Variants in SAP130 observed in about 807,000 individuals in gnomAD.
SAP130 encodes the protein Sin3A associated protein 130, also known as histone deacetylase complex subunit SAP130.
Under a neutral mutation model 103.2 loss-of-function variants are expected in SAP130, and 16 were observed. The ratio of observed to expected loss-of-function variants is 0.16; its 90% CI spans 0.10 to 0.24. The LOEUF (loss-of-function observed/expected upper bound fraction) is 0.24, where lower values mean the gene tolerates loss of function less well. SAP130 is among the 10% of genes least tolerant of loss of function. The probability of loss-of-function intolerance (pLI) is 1.00; values close to 1 mark genes in which losing one functional copy is unlikely to be tolerated. For missense variants in SAP130, 990 were observed against 1,359.7 expected, an observed-to-expected ratio of 0.73 and a Z score of 4.28; for synonymous variants, 477 against 497.0, an observed-to-expected ratio of 0.96 and a Z score of 0.53.
chr2:127,998,167 T>C (rs1683303391), intron 10 of SAP130, among the ~76,000 whole-genome samples: 1 of 151,830 alleles, frequency 6.6e-6, no homozygotes, highest in African/African-American at 2.4e-5. Context: ...ACCAAGGAAC[T>C]ATATAGCACA....
intron 15 of SAP130, among the ~76,000 whole-genome samples, chr2:127,971,648 T>G (rs1385844967): frequency 6.6e-6 from 1 of 152,222 alleles, no homozygotes. Context: ...TAATTTTGCC[T>G]TCCTTCTGTG....
intron 14 of SAP130, among the ~76,000 whole-genome samples, chr2:127,984,756 T>C (rs1465978858): frequency 6.6e-6 from 1 of 152,132 alleles, no homozygotes; most frequent in Admixed American, 6.6e-5. Context: ...TCTGGTAAAA[T>C]ACTCATGACC....
intron 2 of SAP130, among the ~76,000 whole-genome samples, chr2:128,024,736 C>T (rs1347176859): frequency 6.6e-6 from 1 of 150,958 alleles, no homozygotes; most frequent in Admixed American, 6.6e-5. Flanking sequence ...AAAAATTACC[C>T]AGGCATGGTA....
chr2:128,013,872 C>T (rs1374588650), intron 5 of SAP130, among the ~76,000 whole-genome samples: 1 of 152,174 alleles, frequency 6.6e-6, no homozygotes, highest in African/African-American at 2.4e-5. Flanking sequence ...CTGAAACCAG[C>T]CTGGGTAACC....
chr2:127,986,418 C>T lies in SAP130; in HGVS notation c.1958+367G>A, dbSNP rs190967322. ...GGAACTTTTCCCGTTTCAACAGCAA[C>T]GATTCATGCTGAATGAAGTTTATAG... On this transcript the variant is annotated intron_variant, in intron 14 of 20. Coordinates refer to ENST00000643581, the MANE Select transcript of SAP130 (RefSeq NM_001330301.2). The surrounding 1 kb of genome is among the most constrained non-coding windows in gnomAD (Gnocchi z 4.7). 4.1e-4 allele frequency among the ~76,000 whole-genome samples: 62 copies of T among 152,328 alleles called. No homozygotes were observed. Among genetic ancestry groups the T allele is most frequent in the Non-Finnish European group, 7.2e-4 (49 of 68,026 alleles).
In SAP130 at chr2:127,941,680, C is replaced by T; in HGVS notation, c.*326G>A. 3.2e-6 allele frequency: 1 copy of T among 312,100 alleles called. No individual in the cohort carries two copies. Among genetic ancestry groups the T allele is most frequent in the Non-Finnish European group, 5.9e-6 (1 of 170,512 alleles). The allele number at this position is 312,100 out of a possible 1,614,324, so 19.3% of individuals were successfully genotyped here. ...CCTGCAGGAATCCACTAGATAAATACAGTCTATAAACCGGAAGGCTGAAAA... is the reference window on the plus strand; with the variant it reads ...CCTGCAGGAATCCACTAGATAAATATAGTCTATAAACCGGAAGGCTGAAAA... On this transcript the variant is annotated 3_prime_UTR_variant, in exon 21 of 21. Coordinates refer to ENST00000643581, the MANE Select transcript of SAP130 (RefSeq NM_001330301.2).
intron 2 of SAP130, among the ~76,000 whole-genome samples, chr2:128,025,588 C>CTTA (rs1685447231): frequency 6.6e-6 from 1 of 152,166 alleles, no homozygotes; most frequent in Non-Finnish European, 1.5e-5. Flanking sequence ...TCATTATTCC[C>CTTA]TTAGCAATAC....
intron 15 of SAP130, among the ~76,000 whole-genome samples, chr2:127,970,071 T>C (rs1680960905): frequency 6.7e-6 from 1 of 149,450 alleles, no homozygotes; most frequent in Non-Finnish European, 1.5e-5. Flanking sequence ...CTACTAAAAA[T>C]ACAAAAATTA....
rs370038845 is a variant in SAP130, at chr2:128,021,316, G to A, written c.113-3401C>T. 7.3e-4 allele frequency among the ~76,000 whole-genome samples: 111 copies of A among 151,926 alleles called. 2 individuals carry two copies. In the South Asian group the frequency reaches 0.021, roughly 29 times the overall value. On this transcript the variant is annotated intron_variant, in intron 2 of 20. Transcript: ENST00000643581. Reference sequence around the variant, plus strand: ...ACAAAAATTAGCTGGGCATGGTGGCGGGCGCCTATAGTCCCAGCTACTTGG... The same window carrying A: ...ACAAAAATTAGCTGGGCATGGTGGCAGGCGCCTATAGTCCCAGCTACTTGG...
chr2:127,962,268 A>G (rs1680308903), intron 15 of SAP130, among the ~76,000 whole-genome samples: 1 of 152,200 alleles, frequency 6.6e-6, no homozygotes, highest in African/African-American at 2.4e-5. Flanking sequence ...CTTGATATAA[A>G]GCATCATTCC....
chr2:128,002,905 T>C (rs1184166481), intron 7 of SAP130, among the ~76,000 whole-genome samples: 3 of 152,160 alleles, frequency 2.0e-5, no homozygotes, highest in South Asian at 2.1e-4. Flanking sequence ...GGCAGGCAGA[T>C]TGCTTGAGTC....
At chr2:128,020,687 A>G (rs191774680) in intron 2 of SAP130, among the ~76,000 whole-genome samples, 29 of 152,304 alleles carry the variant, frequency 1.9e-4, no homozygotes, top group Admixed American at 1.8e-3. Context: ...TGGGTAGAGA[A>G]TACTGCATCA....
At position 127,955,194 on chromosome 2, in the gene SAP130, T is replaced by C. The variant is rs1679751877; in HGVS notation, c.2214A>G (p.Ala738=). The C allele has an allele frequency of 6.2e-7, 1 of 1,613,992 alleles. No homozygotes were observed. The highest frequency in any genetic ancestry group is 1.3e-5 in the African/African-American group (1 of 74,906). Residue 738 remains alanine, a synonymous_variant, in exon 16 of 21, where the codon GCA becomes GCG. Transcript: ENST00000643581. This position sits in a 1 kb window ranked among gnomAD's most constrained non-coding sequence, Gnocchi z 4.9. The part of the protein sequence containing the change: ...QPPPTIPTMI[A]AASPPSQPAV... Reference sequence around the variant, plus strand: ...CTGGTTGTGACGGGGGACTGGCTGCTGCAATCATAGTTGGAATGGTCGGTG... The same window carrying C: ...CTGGTTGTGACGGGGGACTGGCTGCCGCAATCATAGTTGGAATGGTCGGTG...
At chr2:127,966,805 T>G (rs60165721) in intron 15 of SAP130, among the ~76,000 whole-genome samples, 1 of 152,208 alleles carries the variant, frequency 6.6e-6, no homozygotes, top group Non-Finnish European at 1.5e-5. Context: ...ATAAATCTTT[T>G]GAAAAAATAT....
At chr2:127,972,294 G>A (rs769690276) in intron 15 of SAP130, among the ~76,000 whole-genome samples, 3 of 152,194 alleles carry the variant, frequency 2.0e-5, no homozygotes, top group Non-Finnish European at 4.4e-5. Flanking sequence ...AAGTCCATAT[G>A]AGACTTTGTT....
chr2:127,955,198 A>G lies in SAP130; in HGVS notation c.2210T>C (p.Ile737Thr). Residue 737 changes from isoleucine (I) to threonine (T), a missense_variant, in exon 16 of 21, where the codon ATT becomes ACT. Ile to Thr is a moderately conservative substitution (Grantham distance 89). Transcript: ENST00000643581. The surrounding 1 kb of genome is among the most constrained non-coding windows in gnomAD (Gnocchi z 4.9). ...TTGTGACGGGGGACTGGCTGCTGCA[A>G]TCATAGTTGGAATGGTCGGTGGGGG... ...QQPPPTIPTM[I>T]AAASPPSQPA... 6.2e-7 allele frequency: 1 copy of G among 1,614,110 alleles called. No homozygotes were observed. The highest frequency in any genetic ancestry group is 8.5e-7 in the Non-Finnish European group (1 of 1,180,002).
chr2:128,022,909 A>C (rs1685251274), intron 2 of SAP130, among the ~76,000 whole-genome samples: 2 of 151,928 alleles, frequency 1.3e-5, no homozygotes, highest in Admixed American at 1.3e-4. Context: ...AGGTCACTGC[A>C]ACCTCCGCTT....
intron 4 of SAP130, among the ~76,000 whole-genome samples, chr2:128,015,799 G>A (rs111355625): frequency 0.18 from 26,733 of 151,926 alleles, 3,114 homozygotes; most frequent in South Asian, 0.38. Flanking sequence ...AAATTAGCTG[G>A]GGGTGGTGGT....
rs1434948521 is a variant in SAP130 at position 128,026,239 on chromosome 2, C to T, written c.54G>A (p.Gln18=). 2 of 1,614,178 alleles carry T rather than the reference C, an allele frequency of 1.2e-6. No individual in the cohort carries two copies. Among genetic ancestry groups the T allele is most frequent in the South Asian group, 2.2e-5 (2 of 91,088 alleles). The change falls in exon 2 of 21, where the codon CAG becomes CAA. Residue 18 remains glutamine, a synonymous_variant. Coordinates refer to ENST00000643581, the MANE Select transcript of SAP130 (RefSeq NM_001330301.2). The stretch of plus-strand genomic sequence containing the variant: ...CACTGTTTGCAATCTGAGAAGGGGC[C>T]TGGCTCAGCCCGGTAGAAGGGGCTC... ...RLGAPSTGLS[Q]APSQIANSGS... is the part of the protein sequence containing the mutation.
Sources: gnomAD v4.1 joint callset for allele counts (sites outside exome capture counted in the v4.1 genomes callset) on GRCh38, gnomAD v4.1.1 for gene constraint, Gnocchi (gnomAD v3.1) non-coding constraint, MANE v1.5 for transcripts, NCBI Gene and HGNC (gene_info 2026-07-23, HGNC 2026-07-21) for gene names.